Variants in GNG7 observed in about 807,000 individuals in gnomAD.
GNG7 encodes G protein subunit gamma 7, also known as guanine nucleotide-binding protein G(I)/G(S)/G(O) subunit gamma-7.
Under a neutral mutation model 4.0 loss-of-function variants are expected in GNG7, and 1 was observed. That is an observed-to-expected ratio of 0.25 (90% confidence interval 0.09 to 1.18). GNG7 has a LOEUF of 1.18. Ranked by LOEUF, GNG7 falls within the 50% of genes most tolerant of loss-of-function variation. GNG7 has a pLI of 0.50. For synonymous variants in GNG7, 34 were observed against 36.9 expected, an observed-to-expected ratio of 0.92 and a Z score of 0.29; for missense variants, 86 against 91.9, an observed-to-expected ratio of 0.94 and a Z score of 0.26.
chr19:2,553,807 A>ATAGAT, intron 3 of GNG7, among the ~76,000 whole-genome samples: 1 of 146,584 alleles, frequency 6.8e-6, no homozygotes, highest in East Asian at 2.0e-4. Flanking sequence ...ATCATGTGTA[A>ATAGAT]TATATCACAT....
chr19:2,650,183 C>CTTTTTTT (rs529803793), intron 1 of GNG7, among the ~76,000 whole-genome samples: 8,221 of 125,254 alleles, frequency 0.066, 485 homozygotes, highest in South Asian at 0.17. Context: ...TCATAGGAAT[C>CTTTTTTT]TTTTTTTTTT....
At chr19:2,554,559 A>ATATTTT (rs1196558078) in intron 3 of GNG7, among the ~76,000 whole-genome samples, 27 of 130,140 alleles carry the variant, frequency 2.1e-4, no homozygotes, top group African/African-American at 7.6e-4. Context: ...ATATATATAT[A>ATATTTT]TTTTTTTTTT....
chr19:2,661,304 G>GAAAGAAAGAAAGAAAGAAAGAA lies in GNG7; in HGVS notation c.-134-15046_-134-15025dup, dbSNP rs1983163449. 3.1e-4 allele frequency among the ~76,000 whole-genome samples: 27 copies of GAAAGAAAGAAAGAAAGAAAGAA among 87,008 alleles called. 1 individual carries two copies. The highest frequency in any genetic ancestry group is 6.2e-4 in the African/African-American group (13 of 20,950). 57.1% of individuals were successfully genotyped at this position (87,008 alleles called of 152,430 possible). A position where few individuals can be genotyped will look rare whatever the true frequency, so the allele number is the denominator to read the frequency against. On this transcript the variant is annotated intron_variant, in intron 1 of 4. Coordinates refer to ENST00000382159, the MANE Select transcript of GNG7 (RefSeq NM_052847.3). ...AAAGAAAGAAAGAAAGAAAGAAAGA[G>GAAAGAAAGAAAGAAAGAAAGAA]AAAGAAAGAAAGAAAGAAAGAAAGA... is the stretch of plus-strand genomic sequence containing the variant.
intron 3 of GNG7, among the ~76,000 whole-genome samples, chr19:2,548,126 T>G (rs1389379821): frequency 6.6e-6 from 1 of 151,932 alleles, no homozygotes; most frequent in Admixed American, 6.6e-5. Context: ...CCAGGGAGCT[T>G]CTCCCTGAGG....
At chr19:2,659,610 A>AG (rs1555701399) in intron 1 of GNG7, among the ~76,000 whole-genome samples, 2,274 of 121,444 alleles carry the variant, frequency 0.019, 159 homozygotes, top group African/African-American at 0.071. Context: ...AAAAAAAAAA[A>AG]AGAGAGGAGG....
intron 2 of GNG7, among the ~76,000 whole-genome samples, chr19:2,559,474 C>T (rs1979669700): frequency 1.3e-5 from 2 of 151,664 alleles, no homozygotes; most frequent in Non-Finnish European, 2.9e-5. Context: ...GCCTTGGCCT[C>T]CAGAGTAGCT....
At position 2,512,356 on chromosome 19, in the gene GNG7, A is replaced by G. The variant is rs1972668294; in HGVS notation, c.*2666T>C. Reference sequence around the variant, plus strand: ...GTGGTCACTGAAGTCTACTCAAGAAAAAAAAAAGTGGAGAATTTTTTTTTT... The same window carrying G: ...GTGGTCACTGAAGTCTACTCAAGAAGAAAAAAAGTGGAGAATTTTTTTTTT... On this transcript the variant is annotated 3_prime_UTR_variant, in exon 5 of 5. Transcript: ENST00000382159. This position sits in a 1 kb window ranked among gnomAD's most constrained non-coding sequence, Gnocchi z 4.7. 7.1e-6 allele frequency: 7 copies of G among 985,426 alleles called. No homozygotes were observed. Among genetic ancestry groups the G allele is most frequent in the Admixed American group, 6.1e-5 (1 of 16,262 alleles). 61.0% of individuals were successfully genotyped at this position (985,426 alleles called of 1,614,324 possible). A position where few individuals can be genotyped will look rare whatever the true frequency, so the allele number is the denominator to read the frequency against.
rs371607932 is a variant in GNG7, at chr19:2,564,361, G to A, written c.-77-9173C>T. On this transcript the variant is annotated intron_variant, in intron 2 of 4. Coordinates refer to ENST00000382159, the MANE Select transcript of GNG7 (RefSeq NM_052847.3). ...TTTGGGAGGCCGAGGCGGGAGGATC[G>A]CTTGAGGCCAGGAGTTCGAGACCAG... Among the ~76,000 whole-genome samples, 34 of 151,948 alleles carry A rather than the reference G, an allele frequency of 2.2e-4. No individual in the cohort carries two copies. In the East Asian group the frequency reaches 3.3e-3, roughly 15 times the overall value.
intron 3 of GNG7, among the ~76,000 whole-genome samples, chr19:2,547,378 C>T (rs1367725118): frequency 1.3e-5 from 2 of 152,196 alleles, no homozygotes; most frequent in Non-Finnish European, 2.9e-5. Flanking sequence ...TCCCGCCTTT[C>T]GCCTAGAGGT....
At chr19:2,671,027 T>A (rs986472992) in intron 1 of GNG7, among the ~76,000 whole-genome samples, 7 of 151,908 alleles carry the variant, frequency 4.6e-5, no homozygotes, top group African/African-American at 1.5e-4. Flanking sequence ...GTGTCTGGTG[T>A]GAGCAGGGAG....
At chr19:2,688,075 A>G (rs909327267) in intron 1 of GNG7, among the ~76,000 whole-genome samples, 11 of 151,662 alleles carry the variant, frequency 7.3e-5, no homozygotes, top group Admixed American at 7.2e-4. Flanking sequence ...ACACGGTGAA[A>G]CCCCGTCCCT....
intron 2 of GNG7, among the ~76,000 whole-genome samples, chr19:2,637,232 G>A (rs1283882360): frequency 6.7e-6 from 1 of 149,284 alleles, no homozygotes; most frequent in Non-Finnish European, 1.5e-5. Context: ...CCCGAGCCCG[G>A]CCCGTCTTTG....
chr19:2,622,621 G>A (rs1384075985), intron 2 of GNG7, among the ~76,000 whole-genome samples: 3 of 142,398 alleles, frequency 2.1e-5, no homozygotes, highest in Non-Finnish European at 4.6e-5. Context: ...CCCAACGCGA[G>A]CAACGCGGCA....
chr19:2,631,612 T>C (rs1319009309), intron 2 of GNG7, among the ~76,000 whole-genome samples: 1 of 152,186 alleles, frequency 6.6e-6, no homozygotes, highest in Non-Finnish European at 1.5e-5. Flanking sequence ...TAAAACTTTA[T>C]TTATACAAAC....
intron 2 of GNG7, among the ~76,000 whole-genome samples, chr19:2,613,431 T>C (rs1005937334): frequency 2.6e-5 from 4 of 152,026 alleles, no homozygotes; most frequent in African/African-American, 9.6e-5. Flanking sequence ...TCCCCGCTCC[T>C]GCTCACAGTA....
intron 3 of GNG7, among the ~76,000 whole-genome samples, chr19:2,553,421 T>C (rs1052525184): frequency 6.9e-6 from 1 of 144,478 alleles, no homozygotes; most frequent in Non-Finnish European, 1.5e-5. Flanking sequence ...ATATACATTT[T>C]ATATGCAATA....
At chr19:2,619,731 C>G (rs1345459972) in intron 2 of GNG7, among the ~76,000 whole-genome samples, 1 of 151,744 alleles carries the variant, frequency 6.6e-6, no homozygotes, top group Non-Finnish European at 1.5e-5. Flanking sequence ...TCCATGGGGA[C>G]AGGGAGGGGA....
chr19:2,697,013 G>T (rs1336203605), intron 1 of GNG7, among the ~76,000 whole-genome samples: 1 of 148,638 alleles, frequency 6.7e-6, no homozygotes, highest in Admixed American at 6.6e-5. Context: ...GCTAATTTTT[G>T]TATTTTTACT....
intron 3 of GNG7, among the ~76,000 whole-genome samples, chr19:2,528,195 C>A (rs780008338): frequency 6.9e-6 from 1 of 145,846 alleles, no homozygotes; most frequent in Non-Finnish European, 1.5e-5. Flanking sequence ...CGCTTGAACC[C>A]AGGAGGTGGA....
Sources: gnomAD v4.1 joint callset for allele counts (sites outside exome capture counted in the v4.1 genomes callset) on GRCh38, gnomAD v4.1.1 for gene constraint, Gnocchi (gnomAD v3.1) non-coding constraint, MANE v1.5 for transcripts, NCBI Gene and HGNC (gene_info 2026-07-23, HGNC 2026-07-21) for gene names.